The following ARMC2 variants were observed in gnomAD, a reference collection of about 807,000 sequenced individuals.
ARMC2 encodes armadillo repeat-containing protein 2.
ARMC2 carries 67 observed loss-of-function variants against 90.3 expected under a neutral mutation model. The ratio of observed to expected loss-of-function variants is 0.74; its 90% CI spans 0.61 to 0.91. The LOEUF is 0.91. Among genes scored for constraint, ARMC2 ranks in the 40% least tolerant of loss-of-function variants. The pLI is 0.00. For missense variants in ARMC2, 920 were observed against 1,030.9 expected (o/e 0.89, Z 1.47); for synonymous variants, 393 against 393.0 (o/e 1.00, Z 0.00).
chr6:108,973,162 C>T (rs1562444604), intron 17 of ARMC2, among the ~76,000 whole-genome samples, 195 bp from the exon 18 acceptor site: 1 of 151,764 alleles, frequency 6.6e-6, no homozygotes, highest in South Asian at 2.1e-4. Context: ...CCCTGCCTCT[C>T]CAAATAAAAT....
At chr6:108,917,089 T>C (rs974973202) in intron 10 of ARMC2, among the ~76,000 whole-genome samples, 5 of 152,248 alleles carry the variant, frequency 3.3e-5, no homozygotes, top group African/African-American at 1.2e-4. Context: ...GATTCACTTG[T>C]ACTTCCAATC....
At chr6:109,008,940 G>C in the ARMC2 span, 1 of 991,596 alleles carries the variant, frequency 1.0e-6, no homozygotes, top group Non-Finnish European at 1.2e-6. Flanking sequence ...TAAATAATCT[G>C]TTTTCACAAG....
the ARMC2 span, among the ~76,000 whole-genome samples, chr6:109,044,373 A>AAAGGAAGAAAGG: frequency 6.6e-6 from 1 of 150,530 alleles, no homozygotes; most frequent in Non-Finnish European, 1.5e-5. Context: ...TTCAATGGAG[A>AAAGGAAGAAAGG]AAGGAAGAAA....
In ARMC2 at chr6:108,916,715, A is replaced by G. The variant is rs151109221; in HGVS notation, c.1350+4157A>G. ...AAGAGGGACTTGTCAGTGTTGCTCT[A>G]GAATGGATTATCATGAGGTGTTAGG... is the stretch of plus-strand genomic sequence containing the variant. On this transcript the variant is annotated intron_variant, in intron 10 of 17. Transcript: ENST00000392644. Among the ~76,000 whole-genome samples the G allele has an allele frequency of 1.5e-3, 236 of 152,334 alleles. 1 individual carries two copies. The highest frequency in any genetic ancestry group is 2.8e-3 in the Non-Finnish European group (188 of 68,026).
intron 8 of ARMC2, among the ~76,000 whole-genome samples, chr6:108,908,608 C>G (rs769188021): frequency 6.6e-6 from 1 of 151,936 alleles, no homozygotes; most frequent in Non-Finnish European, 1.5e-5. Context: ...ATTAGCCAGG[C>G]ATGGTGGCAC....
chr6:109,046,811 C>T, the ARMC2 span, among the ~76,000 whole-genome samples: 1 of 137,830 alleles, frequency 7.3e-6, no homozygotes, highest in African/African-American at 2.7e-5. Context: ...TCTGCCCGGC[C>T]GCCCTGTCTG....
chr6:108,868,739 C>A, intron 3 of ARMC2, 85 bp from the exon 4 acceptor site: 1 of 1,312,912 alleles, frequency 7.6e-7, no homozygotes, highest in Non-Finnish European at 1.1e-6. Context: ...TTGTGCTCTT[C>A]TGGAAGGGTT....
rs1055697260 is a variant in ARMC2 at position 108,931,891 on chromosome 6, G to T, written c.1496+3658G>T. On this transcript the variant is annotated intron_variant, in intron 11 of 17. Coordinates refer to ENST00000392644, the MANE Select transcript of ARMC2 (RefSeq NM_032131.6). The stretch of plus-strand genomic sequence containing the variant: ...CAATTATCCTGCCTCAGCCTCCCAA[G>T]TAGCTGGGATTACAGGCATGCACCA... Among the ~76,000 whole-genome samples the T allele has an allele frequency of 7.9e-5, 12 of 151,608 alleles. 1 individual carries two copies. Among genetic ancestry groups the T allele is most frequent in the African/African-American group, 2.9e-4 (12 of 41,058 alleles).
In ARMC2 at chr6:108,876,255, A is replaced by C; in HGVS notation, c.576A>C (p.Pro192=). 6.2e-7 allele frequency: 1 copy of C among 1,613,094 alleles called. No homozygotes were observed. Among genetic ancestry groups the C allele is most frequent in the Non-Finnish European group, 8.5e-7 (1 of 1,179,648 alleles). Residue 192 remains proline (P), a synonymous_variant, in exon 5 of 18, where the codon CCA becomes CCC. Transcript: ENST00000392644. ...CTATTTGCCACTTAAAGAGTCACCCACTTCAGCTAACTGATGATGGAGGCT... is the reference window on the plus strand; with the variant it reads ...CTATTTGCCACTTAAAGAGTCACCCCCTTCAGCTAACTGATGATGGAGGCT... ...SNAICHLKSH[P]LQLTDDGGFS... is the part of the protein sequence containing the mutation.
At chr6:108,950,881 C>T (rs548972780) in intron 12 of ARMC2, among the ~76,000 whole-genome samples, 1 of 152,316 alleles carries the variant, frequency 6.6e-6, no homozygotes, top group South Asian at 2.1e-4. Flanking sequence ...CAGATTCTTT[C>T]ATGATAACTC....
At chr6:109,051,608 TTTC>T in the ARMC2 span, among the ~76,000 whole-genome samples, 1 of 152,246 alleles carries the variant, frequency 6.6e-6, no homozygotes, top group South Asian at 2.1e-4. Context: ...GGTCACTGGT[TTTC>T]TTTTTTTCTG....
At chr6:108,863,929 A>C (rs1056403132) in intron 3 of ARMC2, among the ~76,000 whole-genome samples, 2 of 152,204 alleles carry the variant, frequency 1.3e-5, no homozygotes, top group African/African-American at 4.8e-5. Context: ...CACTTCTAAC[A>C]GCGTGGATTA....
At position 108,872,558 on chromosome 6, in the gene ARMC2, G is replaced by A. The variant is rs117533007; in HGVS notation, c.463+3563G>A. Among the ~76,000 whole-genome samples the A allele has an allele frequency of 3.2e-4, 48 of 152,266 alleles. No homozygotes were observed. In the East Asian group the frequency reaches 8.7e-3, roughly 28 times the overall value. On this transcript the variant is annotated intron_variant, in intron 4 of 17. Coordinates refer to ENST00000392644, the MANE Select transcript of ARMC2 (RefSeq NM_032131.6). ...TGTGATGGTCTGCAGGTGGGTGGAT[G>A]CGAGGCCCTCAGCCAGAGGAACAGC...
chr6:108,907,652 GA>G, intron 8 of ARMC2: 1 of 1,598,610 alleles, frequency 6.3e-7, no homozygotes. Flanking sequence ...ATGCTTGTAG[GA>G]AAAGGAGTAG....
intron 10 of ARMC2, among the ~76,000 whole-genome samples, chr6:108,915,147 G>A (rs937497416): frequency 2.0e-5 from 3 of 152,026 alleles, no homozygotes; most frequent in Non-Finnish European, 4.4e-5. Flanking sequence ...GTAGAGACAG[G>A]GTTTCACCAT....
intron 10 of ARMC2, among the ~76,000 whole-genome samples, chr6:108,915,857 A>T (rs1433214355): frequency 6.6e-6 from 1 of 152,108 alleles, no homozygotes; most frequent in African/African-American, 2.4e-5. Flanking sequence ...AGAAAGATGA[A>T]TGTGCACAAA....
intron 13 of ARMC2, among the ~76,000 whole-genome samples, chr6:108,959,790 ATTC>A (rs1490387221): frequency 6.6e-6 from 1 of 151,826 alleles, no homozygotes; most frequent in African/African-American, 2.4e-5. Flanking sequence ...GGTTCAAGCA[ATTC>A]TTCTGCCTCA....
chr6:108,903,227 C>T (rs1772330477), intron 7 of ARMC2, among the ~76,000 whole-genome samples: 1 of 150,794 alleles, frequency 6.6e-6, no homozygotes, highest in Non-Finnish European at 1.5e-5. Flanking sequence ...GGTTCAAGAT[C>T]TCCCTGTTTC....
At chr6:108,848,572 C>G (rs372795070) in intron 1 of ARMC2, 26 bp downstream of exon 1, 2 of 152,508 alleles carry the variant, frequency 1.3e-5, no homozygotes, top group East Asian at 3.9e-4. Flanking sequence ...TCGGAAGCCT[C>G]CTTCCCTGAG....
Sources: allele counts gnomAD v4.1 joint callset (sites outside exome capture counted in the v4.1 genomes callset), GRCh38; gene constraint gnomAD v4.1.1; transcripts MANE v1.5; gene names NCBI Gene and HGNC (gene_info 2026-07-23, HGNC 2026-07-21).